Variants in AFF2 observed in about 807,000 individuals in gnomAD.
AFF2 encodes the protein ALF transcription elongation factor 2.
A neutral mutation model predicts 76.9 loss-of-function variants in AFF2; 14 were observed. The ratio of observed to expected loss-of-function variants is 0.18; its 90% CI spans 0.12 to 0.28. AFF2 has a LOEUF of 0.28. Ranked by LOEUF, AFF2 falls within the 10% of genes least tolerant of loss-of-function variation. The probability of loss-of-function intolerance (pLI) is 1.00; values close to 1 mark genes in which losing one functional copy is unlikely to be tolerated. For synonymous variants in AFF2, 398 were observed against 366.7 expected, an observed-to-expected ratio of 1.09 and a Z score of -0.98; for missense variants, 868 against 1,001.1, an observed-to-expected ratio of 0.87 and a Z score of 1.79.
At position 148,597,997 on chromosome X, in the gene AFF2, A is replaced by C. The variant is rs782369649; in HGVS notation, c.48-54002A>C. On this transcript the variant is annotated intron_variant, in intron 1 of 20. Transcript: ENST00000370460. ...TCAATTATGCTGTTCTCACATCATC[A>C]ATAGGAGTTGGGGGATTTTAAATTG... Among the ~76,000 whole-genome samples the C allele has an allele frequency of 2.7e-5, 3 of 112,296 alleles. No individual in the cohort carries two copies. The South Asian group carries it at 1.1e-3, about 41-fold the overall frequency.
intron 1 of AFF2, among the ~76,000 whole-genome samples, chrX:148,527,186 C>G (rs2052670091): frequency 8.9e-6 from 1 of 112,147 alleles, no homozygotes; most frequent in African/African-American, 3.2e-5. Flanking sequence ...ATGAAATGCA[C>G]TGAGGGGAAC....
intron 9 of AFF2, among the ~76,000 whole-genome samples, chrX:148,917,328 A>C (rs911510249): frequency 1.8e-5 from 2 of 112,109 alleles, no homozygotes; most frequent in African/African-American, 6.5e-5. Context: ...ATGGGTAGTT[A>C]TATTTGATGT....
At position 148,997,479 on chromosome X, in the gene AFF2, C is replaced by CAAAA. The variant is rs782725794; in HGVS notation, c.*6153_*6156dup. 1 of 110,823 alleles carries CAAAA rather than the reference C, an allele frequency of 9.0e-6. No homozygotes were observed. Among genetic ancestry groups the CAAAA allele is most frequent in the African/African-American group, 3.3e-5 (1 of 30,512 alleles). The allele number at this position is 110,823 out of a possible 1,213,427, so 9.1% of individuals were successfully genotyped here. A position where few individuals can be genotyped will look rare whatever the true frequency, so the allele number is the denominator to read the frequency against. On this transcript the variant is annotated 3_prime_UTR_variant, in exon 21 of 21. Coordinates refer to ENST00000370460, the MANE Select transcript of AFF2 (RefSeq NM_002025.4). ...GAACTTGTTCTAAAATCTTATTTTT[C>CAAAA]AAAAAAAAATTTCCATTTTCTCTCT...
intron 13 of AFF2, among the ~76,000 whole-genome samples, chrX:148,965,620 G>A (rs781912675): frequency 4.5e-5 from 5 of 111,763 alleles, no homozygotes; most frequent in Admixed American, 9.5e-5. Context: ...ACAGAAAGAC[G>A]AAACTGGTTT....
chrX:148,907,002 A>C (rs2071414433), intron 9 of AFF2, among the ~76,000 whole-genome samples: 1 of 111,544 alleles, frequency 9.0e-6, no homozygotes, highest in Non-Finnish European at 1.9e-5. Context: ...AGCTTCTAAT[A>C]GAGCTATAAC....
At chrX:148,920,796 C>T (rs1557283111) in intron 9 of AFF2, among the ~76,000 whole-genome samples, 1 of 110,964 alleles carries the variant, frequency 9.0e-6, no homozygotes, top group Non-Finnish European at 1.9e-5. Flanking sequence ...GCTTATTTGA[C>T]CCTAGAAGCT....
intron 1 of AFF2, among the ~76,000 whole-genome samples, chrX:148,588,478 T>A (rs1427924654): frequency 8.9e-6 from 1 of 112,509 alleles, no homozygotes; most frequent in Non-Finnish European, 1.9e-5. Flanking sequence ...TGGATTCCAA[T>A]GAAGATCATA....
intron 7 of AFF2, among the ~76,000 whole-genome samples, chrX:148,869,195 G>A (rs916198579): frequency 9.0e-6 from 1 of 111,405 alleles, no homozygotes; most frequent in Non-Finnish European, 1.9e-5. Flanking sequence ...CAGATTAGAG[G>A]TTGCCCAGGG....
rs1355384975 is a variant in AFF2, at chrX:148,999,553, T to C, written c.*8221T>C. Reference sequence around the variant, plus strand: ...GTCGCTGGACCATTGTGGCAAGCCATAACTGCACAAAGAGTACACATCGTC... The same window carrying C: ...GTCGCTGGACCATTGTGGCAAGCCACAACTGCACAAAGAGTACACATCGTC... On this transcript the variant is annotated 3_prime_UTR_variant, in exon 21 of 21. Transcript: ENST00000370460. 1 of 111,310 alleles carries C rather than the reference T, an allele frequency of 9.0e-6. No individual in the cohort carries two copies. The highest frequency in any genetic ancestry group is 1.9e-5 in the Non-Finnish European group (1 of 53,157). 9.2% of individuals were successfully genotyped at this position (111,310 alleles called of 1,213,427 possible). A position where few individuals can be genotyped will look rare whatever the true frequency, so the allele number is the denominator to read the frequency against.
intron 2 of AFF2, among the ~76,000 whole-genome samples, chrX:148,661,373 C>G (rs782160612): frequency 8.9e-6 from 1 of 112,312 alleles, no homozygotes; most frequent in Non-Finnish European, 1.9e-5. Context: ...CAATTAGATG[C>G]TGTTTAATTC....
chrX:148,567,444 C>T lies in AFF2; in HGVS notation c.47+66300C>T, dbSNP rs112178062. Among the ~76,000 whole-genome samples the T allele has an allele frequency of 7.0e-3, 785 of 111,726 alleles. 6 individuals are homozygous for T. Among genetic ancestry groups the T allele is most frequent in the African/African-American group, 0.024 (745 of 30,751 alleles). On this transcript the variant is annotated intron_variant, in intron 1 of 20. Coordinates refer to ENST00000370460, the MANE Select transcript of AFF2 (RefSeq NM_002025.4). Reference sequence around the variant, plus strand: ...CCACACAGGCATCAAGGCTGCAGCTCGCATTCCTGTGGTCTGGAGCTCTGG... The same window carrying T: ...CCACACAGGCATCAAGGCTGCAGCTTGCATTCCTGTGGTCTGGAGCTCTGG...
intron 3 of AFF2, among the ~76,000 whole-genome samples, chrX:148,774,459 G>A (rs920006167): frequency 9.0e-6 from 1 of 111,246 alleles, no homozygotes; most frequent in Non-Finnish European, 1.9e-5. Flanking sequence ...TGTGCTTGAT[G>A]AGCACTTTAA....
Position 148,953,605 on chromosome X carries a change from C to T in AFF2, c.1423C>T (p.Pro475Ser), listed in dbSNP as rs199667824. 57 of 1,209,573 alleles carry T rather than the reference C, an allele frequency of 4.7e-5. No homozygotes were observed. In the East Asian group the frequency reaches 1.5e-3, roughly 32 times the overall value. ...VNPPLATPQP[P>S]PAVQASGGSG... The stretch of plus-strand genomic sequence containing the variant: ...CCCACCCTTGGCCACTCCCCAGCCC[C>T]CACCTGCAGTGCAAGCCAGCGGGGG... The change falls in exon 10 of 21, where the codon CCA becomes TCA. Residue 475 changes from proline to serine, a missense_variant. Coordinates refer to ENST00000370460, the MANE Select transcript of AFF2 (RefSeq NM_002025.4).
chrX:148,628,893 T>C (rs1237992008), intron 1 of AFF2, among the ~76,000 whole-genome samples: 2 of 112,154 alleles, frequency 1.8e-5, no homozygotes, highest in African/African-American at 3.2e-5. Flanking sequence ...TCTAACATTT[T>C]TTTTATGTGT....
intron 1 of AFF2, among the ~76,000 whole-genome samples, chrX:148,631,678 A>G (rs997990121): frequency 1.8e-4 from 20 of 112,577 alleles, no homozygotes; most frequent in African/African-American, 6.4e-4. Flanking sequence ...TCAGAGCTCC[A>G]TTGAAAGGCA....
intron 1 of AFF2, among the ~76,000 whole-genome samples, chrX:148,560,746 T>G (rs186165105): frequency 8.9e-6 from 1 of 112,385 alleles, no homozygotes; most frequent in African/African-American, 3.2e-5. Context: ...TGAGCCATAT[T>G]GAAGCCTGAG....
chrX:148,615,363 G>T (rs1307499320), intron 1 of AFF2, among the ~76,000 whole-genome samples: 2 of 112,115 alleles, frequency 1.8e-5, no homozygotes, highest in African/African-American at 6.5e-5. Context: ...AGATCGAATG[G>T]AATTTTACAT....
rs782215190 is a variant in AFF2 at position 148,691,367 on chromosome X, A to G, written c.1041+28599A>G. Among the ~76,000 whole-genome samples the G allele has an allele frequency of 4.4e-5, 5 of 112,414 alleles. No individual in the cohort carries two copies. In the South Asian group the frequency reaches 1.8e-3, roughly 41 times the overall value. On this transcript the variant is annotated intron_variant, in intron 3 of 20. Coordinates refer to ENST00000370460, the MANE Select transcript of AFF2 (RefSeq NM_002025.4). Reference sequence around the variant, plus strand: ...TTTCCTACTTTCATTTACTTATTCAACAGTTGTTTATTTTATATTTGTGTA... The same window carrying G: ...TTTCCTACTTTCATTTACTTATTCAGCAGTTGTTTATTTTATATTTGTGTA...
intron 6 of AFF2, 139 bp downstream of exon 6, chrX:148,843,141 C>A (rs2070621456): frequency 1.9e-6 from 1 of 526,436 alleles, no homozygotes; most frequent in Non-Finnish European, 3.0e-6. Flanking sequence ...TAATTTTTAG[C>A]TCTCAGAAAT....
Sources: gnomAD v4.1 joint callset for allele counts (sites outside exome capture counted in the v4.1 genomes callset) on GRCh38, gnomAD v4.1.1 for gene constraint, MANE v1.5 for transcripts, NCBI Gene and HGNC (gene_info 2026-07-23, HGNC 2026-07-21) for gene names.